The following CNOT10 variants were observed in gnomAD, a reference collection of about 807,000 sequenced individuals.
CNOT10 encodes CCR4-NOT transcription complex subunit 10.
Under a neutral mutation model 94.6 loss-of-function variants are expected in CNOT10, and 30 were observed. The ratio of observed to expected loss-of-function variants is 0.32; its 90% CI spans 0.24 to 0.43. CNOT10 has a LOEUF of 0.43. CNOT10 is among the 20% of genes least tolerant of loss of function. The pLI is 1.00. For synonymous variants in CNOT10, 289 were observed against 301.6 expected (o/e 0.96, Z 0.43); for missense variants, 759 against 877.2 (o/e 0.87, Z 1.70).
At chr3:32,701,683 A>G (rs868627751) in intron 1 of CNOT10, among the ~76,000 whole-genome samples, 36 of 152,316 alleles carry the variant, frequency 2.4e-4, no homozygotes, top group African/African-American at 8.2e-4. Flanking sequence ...GCCTTCTGCC[A>G]TGATTGTAAG....
intron 1 of CNOT10, among the ~76,000 whole-genome samples, chr3:32,699,156 ATACAG>A (rs1697218331): frequency 6.6e-6 from 1 of 152,168 alleles, no homozygotes; most frequent in Admixed American, 6.5e-5. Context: ...ATAAGTGCAC[ATACAG>A]TTTGGTGAAT....
intron 1 of CNOT10, among the ~76,000 whole-genome samples, chr3:32,696,537 G>A (rs1047677599): frequency 6.6e-6 from 1 of 152,194 alleles, no homozygotes; most frequent in African/African-American, 2.4e-5. Flanking sequence ...TGTGAAATGT[G>A]TGTAGAAATG....
In CNOT10 at chr3:32,762,756, C is replaced by T; in HGVS notation, c.1733C>T (p.Ala578Val). The change falls in exon 15 of 19, where the codon GCA (alanine) becomes GTA (valine). Residue 578 changes from alanine (A) to valine (V), a missense_variant. Around this residue, in one of 3 missense-constraint regions of CNOT10, gnomAD observed 682 missense variants for 799.4 expected, o/e 0.85. Transcript: ENST00000328834. ...AGGTTTTTGGGACATTTATATGCTG[C>T]AGAAGCCCTCATCTCTCTCGACAGA... ...SLKFLGHLYA[A>V]EALISLDRIS... The T allele has an allele frequency of 6.3e-7, 1 of 1,588,976 alleles. No homozygotes were observed.
intron 1 of CNOT10, among the ~76,000 whole-genome samples, chr3:32,699,911 ATT>A (rs775865209): frequency 5.3e-5 from 8 of 150,000 alleles, no homozygotes; most frequent in Non-Finnish European, 1.2e-4. Context: ...TCATGTGGGT[ATT>A]TGTCTTCCAT....
intron 9 of CNOT10, among the ~76,000 whole-genome samples, chr3:32,727,392 A>G (rs1047890973): frequency 1.3e-5 from 2 of 152,194 alleles, no homozygotes; most frequent in South Asian, 4.1e-4. Flanking sequence ...AGCGGGTCCC[A>G]TCACTTATCT....
intron 13 of CNOT10, among the ~76,000 whole-genome samples, chr3:32,740,365 A>C (rs886838733): frequency 6.6e-6 from 1 of 152,120 alleles, no homozygotes; most frequent in Admixed American, 6.6e-5. Context: ...AGGCTGAAGC[A>C]GGGGAATCGC....
intron 13 of CNOT10, among the ~76,000 whole-genome samples, chr3:32,748,727 C>A (rs1379410700): frequency 2.0e-5 from 3 of 151,916 alleles, no homozygotes; most frequent in Non-Finnish European, 4.4e-5. Flanking sequence ...CCAGGCTGAT[C>A]TCAAAAACAC....
At chr3:32,767,702 C>G (rs892199276) in intron 17 of CNOT10, among the ~76,000 whole-genome samples, 1 of 152,006 alleles carries the variant, frequency 6.6e-6, no homozygotes, top group Non-Finnish European at 1.5e-5. Context: ...AAGTGACAGG[C>G]TGTCCAGGGT....
At chr3:32,730,214 G>T (rs987132903) in intron 10 of CNOT10, among the ~76,000 whole-genome samples, 1 of 152,072 alleles carries the variant, frequency 6.6e-6, no homozygotes. Context: ...GGGAAAGATT[G>T]TAAAGTTTAA....
In CNOT10 at chr3:32,704,915, A is replaced by G. The variant is rs761751665; in HGVS notation, c.222A>G (p.Lys74=). Residue 74 remains lysine (K), a synonymous_variant, in exon 3 of 19, where the codon AAA becomes AAG. Coordinates refer to ENST00000328834, the MANE Select transcript of CNOT10 (RefSeq NM_015442.3). ...ATACAGCAGTAGCTGAGTTTTTTAA[A>G]AGTAACCAAACAACAACAGATAATT... ...ILNTAVAEFF[K]SNQTTTDNLR... is the part of the protein sequence containing the mutation. 2 of 1,566,816 alleles carry G rather than the reference A, an allele frequency of 1.3e-6. No homozygotes were observed.
intron 13 of CNOT10, among the ~76,000 whole-genome samples, chr3:32,740,401 T>A (rs1442203188): frequency 6.6e-6 from 1 of 151,920 alleles, no homozygotes; most frequent in Non-Finnish European, 1.5e-5. Context: ...GGAGGGAGGT[T>A]GCAGTGAGCC....
chr3:32,770,195 A>C (rs1700836926), intron 18 of CNOT10, among the ~76,000 whole-genome samples: 2 of 151,212 alleles, frequency 1.3e-5, no homozygotes, highest in South Asian at 4.2e-4. Context: ...TTTTTTAGAG[A>C]TGTGGTCTCG....
intron 12 of CNOT10, among the ~76,000 whole-genome samples, chr3:32,736,328 C>G (rs1699187031): frequency 6.6e-6 from 1 of 152,104 alleles, no homozygotes; most frequent in Admixed American, 6.6e-5. Flanking sequence ...CTCAAGTGAT[C>G]CTCCCTCCTC....
intron 1 of CNOT10, among the ~76,000 whole-genome samples, chr3:32,703,132 G>A (rs1267717256): frequency 7.1e-6 from 1 of 141,236 alleles, no homozygotes; most frequent in Non-Finnish European, 1.5e-5. Context: ...CACCGTGTTA[G>A]CCAGGATGGT....
At chr3:32,712,711 T>G (rs962593684) in intron 4 of CNOT10, among the ~76,000 whole-genome samples, 2 of 152,060 alleles carry the variant, frequency 1.3e-5, no homozygotes, top group Non-Finnish European at 2.9e-5. Context: ...TGGTGACACA[T>G]GTTTGTGGTC....
chr3:32,712,343 T>C (rs1291037274), intron 4 of CNOT10, among the ~76,000 whole-genome samples: 3 of 152,220 alleles, frequency 2.0e-5, no homozygotes. Flanking sequence ...TTAAATGATG[T>C]ACAGAGACCA....
intron 1 of CNOT10, among the ~76,000 whole-genome samples, chr3:32,686,653 G>A (rs1172307949): frequency 6.6e-6 from 1 of 152,198 alleles, no homozygotes; most frequent in African/African-American, 2.4e-5. Context: ...AGGAAAGGTG[G>A]ATGAGGGAGA....
intron 13 of CNOT10, among the ~76,000 whole-genome samples, chr3:32,746,224 C>A (rs1245051601): frequency 2.0e-5 from 3 of 152,022 alleles, no homozygotes; most frequent in Admixed American, 2.0e-4. Context: ...AGCAGCAGAC[C>A]CCAGCCTTTT....
chr3:32,758,281 A>G (rs1186696860), intron 13 of CNOT10, among the ~76,000 whole-genome samples: 1 of 152,176 alleles, frequency 6.6e-6, no homozygotes, highest in Non-Finnish European at 1.5e-5. Context: ...CAATTTCGTT[A>G]TGCTTCTCAA....
Sources: gnomAD v4.1 joint callset for allele counts (sites outside exome capture counted in the v4.1 genomes callset) on GRCh38, gnomAD v4.1.1 for gene constraint, gnomAD v4.1.1 regional missense constraint, MANE v1.5 for transcripts, NCBI Gene and HGNC (gene_info 2026-07-23, HGNC 2026-07-21) for gene names.